Variants in ABTB2 observed in about 807,000 individuals in gnomAD.
ABTB2 encodes the protein ankyrin repeat and BTB domain containing 2.
ABTB2 carries 56 observed loss-of-function variants against 104.1 expected under a neutral mutation model. That is an observed-to-expected ratio of 0.54 (90% CI 0.43 to 0.67). ABTB2 has a LOEUF of 0.67. ABTB2 is among the 30% of genes least tolerant of loss of function. ABTB2 has a pLI of 0.00. For missense variants in ABTB2, 1,279 were observed against 1,407.7 expected, an observed-to-expected ratio of 0.91 and a Z score of 1.46; for synonymous variants, 606 against 608.2, an observed-to-expected ratio of 1.00 and a Z score of 0.05.
At chr11:34,165,202 C>T in intron 8 of ABTB2, 58 bp downstream of exon 8, 6 of 1,463,092 alleles carry the variant, frequency 4.1e-6, no homozygotes, top group Non-Finnish European at 5.5e-6. Context: ...CATGCCTGGC[C>T]AGGCTGGGGG....
intron 1 of ABTB2, among the ~76,000 whole-genome samples, chr11:34,219,781 A>T (rs1430072944): frequency 6.6e-6 from 1 of 152,190 alleles, no homozygotes; most frequent in Non-Finnish European, 1.5e-5. Context: ...GGTTTGCATA[A>T]GTACACACTA....
At position 34,197,491 on chromosome 11, in the gene ABTB2, G is replaced by A; in HGVS notation, c.1078C>T (p.Leu360=). The change falls in exon 3 of 17, where the codon CTG becomes TTG. Residue 360 remains leucine, a synonymous_variant. Coordinates refer to ENST00000435224, the MANE Select transcript of ABTB2 (RefSeq NM_145804.3). The part of the protein sequence containing the change: ...AMHHMQGRHP[L]CPGASPARQA... Reference sequence around the variant, plus strand: ...CGGGCAGGGCTGGCACCCGGGCACAGGGGGTGACGCCCCTGCATGTGGTGC... The same window carrying A: ...CGGGCAGGGCTGGCACCCGGGCACAAGGGGTGACGCCCCTGCATGTGGTGC... The A allele has an allele frequency of 6.3e-7, 1 of 1,581,196 alleles. No individual in the cohort carries two copies. The highest frequency in any genetic ancestry group is 1.2e-5 in the South Asian group (1 of 86,558).
chr11:34,277,592 T>C, intron 1 of ABTB2, among the ~76,000 whole-genome samples: 1 of 27,016 alleles, frequency 3.7e-5, no homozygotes, highest in African/African-American at 1.5e-4. Flanking sequence ...CAGACCAGCC[T>C]GGCCAATATG....
intron 2 of ABTB2, among the ~76,000 whole-genome samples, chr11:34,199,822 G>A (rs1346686966): frequency 1.3e-5 from 2 of 152,180 alleles, no homozygotes; most frequent in African/African-American, 4.8e-5. Context: ...TTAACATCCT[G>A]CTTGGCACAG....
At chr11:34,301,815 C>G (rs946833256) in intron 1 of ABTB2, among the ~76,000 whole-genome samples, 5 of 152,192 alleles carry the variant, frequency 3.3e-5, no homozygotes, top group Admixed American at 3.3e-4. Context: ...GATGAAACTA[C>G]ATCTCTACAG....
At chr11:34,327,686 G>C (rs2133114983) in intron 1 of ABTB2, among the ~76,000 whole-genome samples, 1 of 152,256 alleles carries the variant, frequency 6.6e-6, no homozygotes, top group East Asian at 1.9e-4. Context: ...TATGCATGTT[G>C]TTAAGGATTT....
intron 14 of ABTB2, among the ~76,000 whole-genome samples, chr11:34,157,056 C>T (rs1022798539): frequency 2.6e-5 from 4 of 152,170 alleles, no homozygotes; most frequent in Admixed American, 6.5e-5. Flanking sequence ...CACCCCACCC[C>T]GCCTGCATGA....
intron 1 of ABTB2, among the ~76,000 whole-genome samples, chr11:34,261,696 A>G (rs1222349237): frequency 6.6e-6 from 1 of 152,222 alleles, no homozygotes; most frequent in African/African-American, 2.4e-5. Context: ...ATCTCATGCA[A>G]TAATGGGCAT....
chr11:34,284,160 CA>C (rs1220688475), intron 1 of ABTB2, among the ~76,000 whole-genome samples: 1 of 152,228 alleles, frequency 6.6e-6, no homozygotes, highest in Non-Finnish European at 1.5e-5. Flanking sequence ...CTGTAAGGCC[CA>C]ATCCATGTCT....
intron 1 of ABTB2, among the ~76,000 whole-genome samples, chr11:34,330,166 C>A (rs1449599977): frequency 6.6e-6 from 1 of 152,170 alleles, no homozygotes; most frequent in Non-Finnish European, 1.5e-5. Flanking sequence ...CTCAAGTAAA[C>A]CCTTCTGCAC....
chr11:34,229,553 G>A (rs1477442180), intron 1 of ABTB2, among the ~76,000 whole-genome samples: 1 of 151,840 alleles, frequency 6.6e-6, no homozygotes, highest in Admixed American at 6.6e-5. Context: ...GTGCTAGAAT[G>A]GGTTTCCTTA....
At position 34,174,996 on chromosome 11, in the gene ABTB2, C is replaced by T. The variant is rs544250488; in HGVS notation, c.1245-1689G>A. Among the ~76,000 whole-genome samples, 75 of 152,364 alleles carry T rather than the reference C, an allele frequency of 4.9e-4. 2 individuals carry two copies. The East Asian group carries it at 0.014, about 29-fold the overall frequency. ...CAGCCACCCCAACTCCCTCGGGGCT[C>T]TTGGAGCGTCCCGCCTGTGCGGTCA... On this transcript the variant is annotated intron_variant, in intron 3 of 16. Transcript: ENST00000435224.
At position 34,160,264 on chromosome 11, in the gene ABTB2, G is replaced by A. The variant is rs1272799605; in HGVS notation, c.2487C>T (p.Thr829=). The change falls in exon 12 of 17, where the codon ACC becomes ACT. Residue 829 remains threonine, a synonymous_variant. Transcript: ENST00000435224. ...CGCCTTCACCTAGCCTGGCCGGCAG[G>A]GTCTTCCGGATCTCTGGGATGCTGG... ...PIPSIPEIRK[T]LPARLDPHFL... 1.2e-6 allele frequency: 2 copies of A among 1,613,980 alleles called. No individual in the cohort carries two copies. Among genetic ancestry groups the A allele is most frequent in the Admixed American group, 3.3e-5 (2 of 60,034 alleles).
intron 3 of ABTB2, among the ~76,000 whole-genome samples, chr11:34,188,853 G>A (rs1368890161): frequency 6.6e-6 from 1 of 152,196 alleles, no homozygotes; most frequent in African/African-American, 2.4e-5. Flanking sequence ...GCTGTCTGAG[G>A]GAAACATTCT....
chr11:34,160,822 G>T, intron 11 of ABTB2, 81 bp downstream of exon 11: 1 of 1,456,870 alleles, frequency 6.9e-7, no homozygotes, highest in Non-Finnish European at 9.3e-7. Flanking sequence ...CTGTCCACGT[G>T]TCTGCCTGTG....
intron 1 of ABTB2, among the ~76,000 whole-genome samples, chr11:34,268,687 C>T (rs186297529): frequency 3.9e-5 from 6 of 152,340 alleles, no homozygotes; most frequent in African/African-American, 1.2e-4. Context: ...TATTCTGCTA[C>T]ACTCCTGGAG....
chr11:34,238,538 A>T (rs1394212824), intron 1 of ABTB2, among the ~76,000 whole-genome samples: 5 of 152,328 alleles, frequency 3.3e-5, no homozygotes, highest in Admixed American at 3.3e-4. Flanking sequence ...GCCATGACTT[A>T]TTCATGTGCA....
chr11:34,336,647 A>C (rs548463219), intron 1 of ABTB2, among the ~76,000 whole-genome samples: 15 of 152,214 alleles, frequency 9.9e-5, no homozygotes, highest in South Asian at 4.2e-4. Flanking sequence ...TGTCTCAAAA[A>C]AAAACAAAAC....
At chr11:34,241,450 G>C (rs1056853025) in intron 1 of ABTB2, among the ~76,000 whole-genome samples, 4 of 152,156 alleles carry the variant, frequency 2.6e-5, no homozygotes, top group Non-Finnish European at 5.9e-5. Flanking sequence ...ACCACAAATG[G>C]GGTGAGGAAA....
Sources: allele counts gnomAD v4.1 joint callset (sites outside exome capture counted in the v4.1 genomes callset), GRCh38; gene constraint gnomAD v4.1.1; transcripts MANE v1.5; gene names NCBI Gene and HGNC (gene_info 2026-07-23, HGNC 2026-07-21).